Variants in TAF4B observed in about 807,000 individuals in gnomAD.
TAF4B encodes TATA-box binding protein associated factor 4b, also known as transcription initiation factor TFIID subunit 4B.
TAF4B carries 38 observed loss-of-function variants against 86.4 expected under a neutral mutation model. The ratio of observed to expected loss-of-function variants is 0.44; its 90% CI spans 0.34 to 0.58. The LOEUF (loss-of-function observed/expected upper bound fraction) is 0.58. TAF4B is among the 20% of genes least tolerant of loss of function. The probability of loss-of-function intolerance (pLI) is 0.02; values close to 1 mark genes in which losing one functional copy is unlikely to be tolerated. For synonymous variants in TAF4B, 388 were observed against 391.2 expected (o/e 0.99, Z 0.10); for missense variants, 988 against 1,027.6 (o/e 0.96, Z 0.53).
At chr18:26,299,328 T>A (rs918788549) in intron 9 of TAF4B, among the ~76,000 whole-genome samples, 1 of 152,212 alleles carries the variant, frequency 6.6e-6, no homozygotes, top group African/African-American at 2.4e-5. Context: ...GGTCATTGAT[T>A]TTTCTTATTA....
At chr18:26,381,366 A>G (rs542123418) in intron 14 of TAF4B, among the ~76,000 whole-genome samples, 6 of 152,000 alleles carry the variant, frequency 3.9e-5, no homozygotes, top group Non-Finnish European at 5.9e-5. Flanking sequence ...TACAATGTGC[A>G]TCCTTAACTG....
chr18:26,356,914 TA>T (rs562107882), intron 13 of TAF4B, among the ~76,000 whole-genome samples: 1,536 of 150,912 alleles, frequency 0.01, 19 homozygotes, highest in African/African-American at 0.035. Flanking sequence ...TTTGCCCACA[TA>T]AAAAAAAATT....
chr18:26,257,842 CGTGTGTGTGTGTGTGTGTGTGT>C (rs57275139), intron 1 of TAF4B, among the ~76,000 whole-genome samples: 5 of 141,530 alleles, frequency 3.5e-5, no homozygotes, highest in African/African-American at 1.0e-4. Context: ...CCTCTGCGTG[CGTGTGTGTGTGTGTGTGTGTGT>C]GTGTGTGTGT....
intron 13 of TAF4B, among the ~76,000 whole-genome samples, chr18:26,347,249 A>G (rs1416813264): frequency 6.6e-6 from 1 of 151,986 alleles, no homozygotes; most frequent in Non-Finnish European, 1.5e-5. Context: ...CAGCAAAACT[A>G]TCCTTCAGAA....
intron 13 of TAF4B, among the ~76,000 whole-genome samples, chr18:26,335,705 G>A (rs554656132): frequency 6.6e-5 from 10 of 152,262 alleles, no homozygotes; most frequent in African/African-American, 2.4e-4. Context: ...CTGGAATGGA[G>A]CCCTTGTTTC....
intron 10 of TAF4B, among the ~76,000 whole-genome samples, chr18:26,317,800 A>G (rs1213124158): frequency 6.6e-6 from 1 of 152,172 alleles, no homozygotes; most frequent in African/African-American, 2.4e-5. Context: ...CGAAGGCAGT[A>G]CTTTTATGAC....
intron 8 of TAF4B, 52 bp downstream of exon 8, chr18:26,292,433 GT>G: frequency 1.3e-6 from 2 of 1,549,102 alleles, no homozygotes; most frequent in Non-Finnish European, 1.7e-6. Flanking sequence ...ACATGAAGGG[GT>G]TTTGTATAAC....
chr18:26,234,403 C>T lies in TAF4B; in HGVS notation c.343+7127C>T, dbSNP rs558018673. 2.6e-5 allele frequency among the ~76,000 whole-genome samples: 4 copies of T among 152,312 alleles called. No individual in the cohort carries two copies. The East Asian group carries it at 7.7e-4, about 29-fold the overall frequency. ...GGGTTCTCCCAGAGGTTGGGAACTC[C>T]CTTTCTTTCCGTATTGCAGCATGGG... On this transcript the variant is annotated intron_variant, in intron 1 of 14. Coordinates refer to ENST00000269142, the MANE Select transcript of TAF4B (RefSeq NM_005640.3).
chr18:26,390,868 A>G lies in TAF4B; in HGVS notation c.*856A>G, dbSNP rs1403979545. On this transcript the variant is annotated 3_prime_UTR_variant, in exon 15 of 15. Transcript: ENST00000269142. ...CATGTTTTGTTGATGGGCAAAAAAA[A>G]TCACAGCACAACCAGAAAGGAGAAT... 4 of 152,220 alleles carry G rather than the reference A, an allele frequency of 2.6e-5. No individual in the cohort carries two copies. In the South Asian group the frequency reaches 8.3e-4, roughly 32 times the overall value. The allele number at this position is 152,220 out of a possible 1,614,324, so 9.4% of individuals were successfully genotyped here.
At chr18:26,263,588 C>T (rs749543244) in intron 1 of TAF4B, among the ~76,000 whole-genome samples, 2 of 152,162 alleles carry the variant, frequency 1.3e-5, no homozygotes, top group Non-Finnish European at 1.5e-5. Flanking sequence ...GTCCTATTAC[C>T]TGATGGTGTC....
chr18:26,385,614 G>C (rs781565337), intron 14 of TAF4B, among the ~76,000 whole-genome samples: 1 of 150,894 alleles, frequency 6.6e-6, no homozygotes, highest in Non-Finnish European at 1.5e-5. Flanking sequence ...CATGTAGAAA[G>C]TTACATGGGA....
At chr18:26,268,764 C>T (rs1338532317) in intron 3 of TAF4B, among the ~76,000 whole-genome samples, 1 of 152,128 alleles carries the variant, frequency 6.6e-6, no homozygotes, top group Admixed American at 6.6e-5. Context: ...ATCATGGTTA[C>T]AAGGAACCAT....
chr18:26,380,996 T>A (rs1791740), intron 14 of TAF4B, among the ~76,000 whole-genome samples: 1 of 152,180 alleles, frequency 6.6e-6, no homozygotes, highest in African/African-American at 2.4e-5. Context: ...GTTTCCTTTT[T>A]AGTTAATAGT....
At chr18:26,290,622 T>C (rs547768830) in intron 7 of TAF4B, among the ~76,000 whole-genome samples, 2 of 152,292 alleles carry the variant, frequency 1.3e-5, no homozygotes, top group South Asian at 4.1e-4. Context: ...TGATTAGGCA[T>C]ACAAGCATGA....
intron 7 of TAF4B, among the ~76,000 whole-genome samples, chr18:26,289,935 C>T (rs1179257338): frequency 6.6e-6 from 1 of 152,050 alleles, no homozygotes; most frequent in African/African-American, 2.4e-5. Context: ...AGTCCCAATA[C>T]AAAACTGTAT....
intron 13 of TAF4B, among the ~76,000 whole-genome samples, chr18:26,341,309 G>C (rs2057133250): frequency 6.6e-6 from 1 of 152,100 alleles, no homozygotes; most frequent in Non-Finnish European, 1.5e-5. Flanking sequence ...AACACTAACT[G>C]TAGGAACATT....
At chr18:26,354,709 G>C (rs1053637257) in intron 13 of TAF4B, among the ~76,000 whole-genome samples, 1 of 152,126 alleles carries the variant, frequency 6.6e-6, no homozygotes, top group Non-Finnish European at 1.5e-5. Flanking sequence ...TCAATTGGCC[G>C]TATTTATATG....
At chr18:26,239,222 C>G (rs143247694) in intron 1 of TAF4B, among the ~76,000 whole-genome samples, 7,150 of 152,204 alleles carry the variant, frequency 0.047, 543 homozygotes, top group African/African-American at 0.16. Context: ...TAAAAGTGTT[C>G]CTATTTCTCC....
intron 14 of TAF4B, among the ~76,000 whole-genome samples, chr18:26,367,427 C>T (rs2057379193): frequency 6.6e-6 from 1 of 152,168 alleles, no homozygotes; most frequent in Non-Finnish European, 1.5e-5. Context: ...ACCTGGAGCT[C>T]TGATGTCTGA....
Sources: allele counts gnomAD v4.1 joint callset (sites outside exome capture counted in the v4.1 genomes callset), GRCh38; gene constraint gnomAD v4.1.1; transcripts MANE v1.5; gene names NCBI Gene and HGNC (gene_info 2026-07-23, HGNC 2026-07-21).